Variants in CCDC187 observed in about 807,000 individuals in gnomAD.
CCDC187 encodes the protein coiled-coil domain-containing protein 187.
A neutral mutation model predicts 38.0 loss-of-function variants in CCDC187; 32 were observed. The ratio of observed to expected loss-of-function variants is 0.84; its 90% confidence interval spans 0.64 to 1.13. The LOEUF (loss-of-function observed/expected upper bound fraction) is 1.13. Ranked by LOEUF, CCDC187 falls within the 50% of genes most tolerant of loss-of-function variation. CCDC187 has a pLI of 0.00. For missense variants in CCDC187, 707 were observed against 786.8 expected, an observed-to-expected ratio of 0.90 and a Z score of 1.21; for synonymous variants, 333 against 347.9, an observed-to-expected ratio of 0.96 and a Z score of 0.48.
Position 136,254,220 on chromosome 9 carries a change from C to A in CCDC187, c.5608G>T (p.Ala1870Ser). The part of the protein sequence containing the change: ...GEALQAPPEA[A>S]GVVFPLQISS... ...ATTTGCAGCGGGAACACCACACCGG[C>A]GGCCTCAGGGGGTGCCTGGAGGGCT... The change falls in exon 26 of 26, where the codon GCC becomes TCC. Residue 1870 changes from alanine (A) to serine (S), a missense_variant. By Grantham distance (99) the Ala-to-Ser change is moderately conservative. Transcript: ENST00000638797. 3.0e-6 allele frequency: 3 copies of A among 985,510 alleles called. No individual in the cohort carries two copies. Among genetic ancestry groups the A allele is most frequent in the Non-Finnish European group, 3.6e-6 (3 of 830,008 alleles). 61.0% of individuals were successfully genotyped at this position (985,510 alleles called of 1,614,324 possible). A position where few individuals can be genotyped will look rare whatever the true frequency, so the allele number is the denominator to read the frequency against.
intron 2 of CCDC187, among the ~76,000 whole-genome samples, chr9:136,301,428 G>A (rs1438790078): frequency 2.0e-5 from 3 of 152,088 alleles, no homozygotes; most frequent in East Asian, 1.9e-4. Context: ...GGGAGGGGAC[G>A]GGGGTGAGTG....
intron 14 of CCDC187, among the ~76,000 whole-genome samples, chr9:136,273,720 G>A (rs1332641655): frequency 6.6e-6 from 1 of 152,238 alleles, no homozygotes; most frequent in Non-Finnish European, 1.5e-5. Flanking sequence ...TGTTTTCAAG[G>A]AGCACCCACT....
Position 136,267,455 on chromosome 9 carries a change from C to G in CCDC187, c.3576G>C (p.Leu1192=). 1.0e-6 allele frequency: 1 copy of G among 985,674 alleles called. No individual in the cohort carries two copies. Among genetic ancestry groups the G allele is most frequent in the Non-Finnish European group, 1.2e-6 (1 of 830,094 alleles). 61.1% of individuals were successfully genotyped at this position (985,674 alleles called of 1,614,324 possible). Residue 1192 remains leucine, a synonymous_variant, in exon 16 of 26, where the codon CTG becomes CTC. Transcript: ENST00000638797. Reference sequence around the variant, plus strand: ...GGAGCGCCATCTCTCGCAGGCGCAGCAGCGCGGCCTGGTGCTGTGCTCGCA... The same window carrying G: ...GGAGCGCCATCTCTCGCAGGCGCAGGAGCGCGGCCTGGTGCTGTGCTCGCA... The part of the protein sequence containing the change: ...EELRAQHQAA[L]LRLREMALQE...
At position 136,252,657 on chromosome 9, in the gene CCDC187, A is replaced by G. The variant is rs1554759708; in HGVS notation, c.*937T>C. ...CATGTGTATGCCACACACAGCTCAC[A>G]ATGACATTGTGGACGCCTGTGCACC... On this transcript the variant is annotated 3_prime_UTR_variant, in exon 26 of 26. Coordinates refer to ENST00000638797, the MANE Select transcript of CCDC187 (RefSeq NM_001378188.1). 6.4e-6 allele frequency: 1 copy of G among 156,186 alleles called. No individual in the cohort carries two copies. Among genetic ancestry groups the G allele is most frequent in the Non-Finnish European group, 1.4e-5 (1 of 70,488 alleles). 9.7% of individuals were successfully genotyped at this position (156,186 alleles called of 1,614,324 possible).
chr9:136,300,170 C>T, intron 3 of CCDC187, 50 bp downstream of exon 3: 1 of 398,398 alleles, frequency 2.5e-6, no homozygotes, highest in East Asian at 3.6e-5. Context: ...CCCATCATGG[C>T]CTGAGCATCC....
chr9:136,285,623 C>A lies in CCDC187; in HGVS notation c.2834-17G>T. 2 of 400,144 alleles carry A rather than the reference C, an allele frequency of 5.0e-6. No individual in the cohort carries two copies. The highest frequency in any genetic ancestry group is 8.8e-6 in the Non-Finnish European group (2 of 226,914). The allele number at this position is 400,144 out of a possible 1,614,324, so 24.8% of individuals were successfully genotyped here. A position where few individuals can be genotyped will look rare whatever the true frequency, so the allele number is the denominator to read the frequency against. ...CTGGAAAACCTTGGAGAAGAGGGCA[C>A]CTGGCTTCACTCCCTGGTCAGCCGG... On this transcript the variant is annotated splice_polypyrimidine_tract_variant and intron_variant, in intron 8 of 25. Transcript: ENST00000638797.
intron 7 of CCDC187, among the ~76,000 whole-genome samples, chr9:136,287,416 G>A (rs1831207528): frequency 1.3e-5 from 2 of 152,176 alleles, no homozygotes; most frequent in African/African-American, 4.8e-5. Flanking sequence ...TCAAGGAGCT[G>A]AAACGCACCA....
At chr9:136,299,234 C>A (rs1831611987) in intron 3 of CCDC187, among the ~76,000 whole-genome samples, 2 of 152,172 alleles carry the variant, frequency 1.3e-5, no homozygotes, top group Admixed American at 1.3e-4. Flanking sequence ...CCCCTGCTCT[C>A]CGAGGGGCCA....
intron 10 of CCDC187, among the ~76,000 whole-genome samples, chr9:136,278,605 C>T (rs1020765365): frequency 1.3e-5 from 2 of 152,126 alleles, no homozygotes; most frequent in South Asian, 2.1e-4. Context: ...ATGGCAGCTG[C>T]GGTCACTGCT....
In CCDC187 at chr9:136,251,091, C is replaced by G; in HGVS notation, c.*2503G>C. 1 of 451,462 alleles carries G rather than the reference C, an allele frequency of 2.2e-6. No individual in the cohort carries two copies. The highest frequency in any genetic ancestry group is 4.5e-6 in the Non-Finnish European group (1 of 222,992). 28.0% of individuals were successfully genotyped at this position (451,462 alleles called of 1,614,324 possible). A position where few individuals can be genotyped will look rare whatever the true frequency, so the allele number is the denominator to read the frequency against. On this transcript the variant is annotated 3_prime_UTR_variant, in exon 26 of 26. Coordinates refer to ENST00000638797, the MANE Select transcript of CCDC187 (RefSeq NM_001378188.1). Reference sequence around the variant, plus strand: ...TCTCTGAAGTGGAGGAGGCCTGAGGCCCTGGACAGGAGAAGCCACATCCTG... The same window carrying G: ...TCTCTGAAGTGGAGGAGGCCTGAGGGCCTGGACAGGAGAAGCCACATCCTG...
chr9:136,295,881 G>A (rs1253047908), intron 4 of CCDC187: 6 of 152,312 alleles, frequency 3.9e-5, no homozygotes, highest in Non-Finnish European at 5.9e-5. Context: ...GCAGAAAATT[G>A]TTATATTGTA....
At chr9:136,299,294 G>A (rs1831614232) in intron 3 of CCDC187, among the ~76,000 whole-genome samples, 2 of 152,144 alleles carry the variant, frequency 1.3e-5, no homozygotes, top group Admixed American at 6.5e-5. Context: ...ACATGGGAGG[G>A]ACACACCCAA....
intron 2 of CCDC187, among the ~76,000 whole-genome samples, chr9:136,300,891 G>A (rs1044800214): frequency 2.6e-5 from 4 of 152,206 alleles, no homozygotes; most frequent in East Asian, 1.9e-4. Context: ...GTGAGCCACC[G>A]CGCCCAGCCT....
chr9:136,267,987 A>C, intron 15 of CCDC187, 62 bp downstream of exon 15: 1 of 985,060 alleles, frequency 1.0e-6, no homozygotes, highest in Non-Finnish European at 1.2e-6. Flanking sequence ...TCCGGGGCCC[A>C]CTACCAGGGC....
In CCDC187 at chr9:136,282,495, C is replaced by A. The variant is rs997575369; in HGVS notation, c.2928-832G>T. Reference sequence around the variant, plus strand: ...TGAGCCTGCATCCGGGGCATGTGGGCGGGGCATGTGCTGAGCCTGCATCTG... The same window carrying A: ...TGAGCCTGCATCCGGGGCATGTGGGAGGGGCATGTGCTGAGCCTGCATCTG... On this transcript the variant is annotated intron_variant, in intron 9 of 25. Coordinates refer to ENST00000638797, the MANE Select transcript of CCDC187 (RefSeq NM_001378188.1). Among the ~76,000 whole-genome samples the A allele has an allele frequency of 2.0e-5, 3 of 151,742 alleles. No homozygotes were observed. In the South Asian group the frequency reaches 6.2e-4, roughly 31 times the overall value.
chr9:136,280,261 A>G (rs1310287039), intron 10 of CCDC187, among the ~76,000 whole-genome samples: 1 of 152,206 alleles, frequency 6.6e-6, no homozygotes, highest in Non-Finnish European at 1.5e-5. Context: ...CTTGCCCTGA[A>G]ACACAGGCAC....
intron 9 of CCDC187, among the ~76,000 whole-genome samples, chr9:136,285,090 G>A (rs1420021922): frequency 3.3e-5 from 5 of 152,098 alleles, no homozygotes; most frequent in African/African-American, 7.2e-5. Flanking sequence ...GCTGCAGCCC[G>A]TGCTGGGGAT....
At chr9:136,306,184 T>C (rs1240671641), upstream of CCDC187, among the ~76,000 whole-genome samples, 5 of 152,164 alleles carry the variant, frequency 3.3e-5, no homozygotes, top group African/African-American at 1.2e-4. Flanking sequence ...CAGGCCCCCC[T>C]GTCCCCAGCA....
At chr9:136,305,327 G>A (rs1831783498), upstream of CCDC187, among the ~76,000 whole-genome samples, 1 of 152,202 alleles carries the variant, frequency 6.6e-6, no homozygotes, top group African/African-American at 2.4e-5. Context: ...GGAACCAGCG[G>A]TGTGACCACA....
Sources: allele counts gnomAD v4.1 joint callset (sites outside exome capture counted in the v4.1 genomes callset), GRCh38; gene constraint gnomAD v4.1.1; transcripts MANE v1.5; gene names NCBI Gene and HGNC (gene_info 2026-07-23, HGNC 2026-07-21).